Variants in GABBR2 observed in about 807,000 individuals in gnomAD.
GABBR2 encodes G-protein coupled receptor 51.
Under a neutral mutation model 105.6 loss-of-function variants are expected in GABBR2, and 23 were observed. The observed-to-expected ratio is 0.22, with a 90% CI of 0.16 to 0.31. The LOEUF (loss-of-function observed/expected upper bound fraction) is 0.31, where lower values mean the gene tolerates loss of function less well. Among genes scored for constraint, GABBR2 ranks in the 10% least tolerant of loss-of-function variants. The probability of loss-of-function intolerance (pLI) is 1.00; values close to 1 mark genes in which losing one functional copy is unlikely to be tolerated. For missense variants in GABBR2, 734 were observed against 1,245.5 expected, an observed-to-expected ratio of 0.59 and a Z score of 6.18; for synonymous variants, 478 against 499.7, an observed-to-expected ratio of 0.96 and a Z score of 0.58.
intron 1 of GABBR2, among the ~76,000 whole-genome samples, chr9:98,624,995 C>A (rs942433268): frequency 1.4e-4 from 21 of 152,166 alleles, no homozygotes; most frequent in African/African-American, 5.1e-4. Context: ...GTGTTAACTG[C>A]CAGTAAGCCC....
At chr9:98,313,931 C>T in intron 13 of GABBR2, among the ~76,000 whole-genome samples, 1 of 152,088 alleles carries the variant, frequency 6.6e-6, no homozygotes, top group Non-Finnish European at 1.5e-5. Context: ...GCAGGAGGAG[C>T]TAGGAGGGGT....
intron 2 of GABBR2, among the ~76,000 whole-genome samples, chr9:98,554,786 A>AATAGAAT (rs1385803832): frequency 5.3e-5 from 8 of 152,240 alleles, no homozygotes; most frequent in Non-Finnish European, 1.2e-4. Flanking sequence ...TATTTGACGT[A>AATAGAAT]AAGAAGATTG....
rs1830240029 is a variant in GABBR2 at position 98,288,766 on chromosome 9, C to T, written c.*1818G>A. 6.6e-6 allele frequency: 1 copy of T among 152,530 alleles called. No individual in the cohort carries two copies. The highest frequency in any genetic ancestry group is 6.5e-5 in the Admixed American group (1 of 15,278). 9.4% of individuals were successfully genotyped at this position (152,530 alleles called of 1,614,324 possible). The stretch of plus-strand genomic sequence containing the variant: ...TTTTTTTCCCTAAAAGCTACAGTAC[C>T]TCCATAACCTCTCTTTGGGGAAGGG... On this transcript the variant is annotated 3_prime_UTR_variant, in exon 19 of 19. Transcript: ENST00000259455.
intron 2 of GABBR2, among the ~76,000 whole-genome samples, chr9:98,552,667 T>C (rs1828510975): frequency 6.6e-6 from 1 of 152,186 alleles, no homozygotes; most frequent in African/African-American, 2.4e-5. Flanking sequence ...GGCATTTGAG[T>C]GAGTTCTGGA....
intron 13 of GABBR2, among the ~76,000 whole-genome samples, chr9:98,324,684 G>C (rs1247414827): frequency 2.0e-5 from 3 of 152,194 alleles, no homozygotes; most frequent in Admixed American, 1.3e-4. Flanking sequence ...GGCCACTGCT[G>C]GCGGTGTGTG....
intron 1 of GABBR2, among the ~76,000 whole-genome samples, chr9:98,605,449 C>A (rs767012124): frequency 6.6e-6 from 1 of 152,218 alleles, no homozygotes; most frequent in Non-Finnish European, 1.5e-5. Flanking sequence ...CTCTCACCTG[C>A]CTTACAGAGC....
At chr9:98,433,181 G>C (rs937114108) in intron 7 of GABBR2, among the ~76,000 whole-genome samples, 2 of 152,202 alleles carry the variant, frequency 1.3e-5, no homozygotes, top group African/African-American at 4.8e-5. Flanking sequence ...GCATTGCAGA[G>C]CTGCATATGC....
chr9:98,447,533 A>ATGTG (rs777181645), intron 7 of GABBR2, among the ~76,000 whole-genome samples: 3 of 105,072 alleles, frequency 2.9e-5, no homozygotes, highest in South Asian at 3.2e-4. Flanking sequence ...TGTAACTAGT[A>ATGTG]TGTATGTGTG....
At chr9:98,377,591 T>C (rs992102736) in intron 11 of GABBR2, among the ~76,000 whole-genome samples, 1 of 152,198 alleles carries the variant, frequency 6.6e-6, no homozygotes, top group Non-Finnish European at 1.5e-5. Context: ...GCTCTGTGCC[T>C]AGCAGGTGCC....
At chr9:98,595,397 T>A (rs1238649715) in intron 1 of GABBR2, among the ~76,000 whole-genome samples, 1 of 151,536 alleles carries the variant, frequency 6.6e-6, no homozygotes, top group Non-Finnish European at 1.5e-5. Context: ...ACTTTTAGAC[T>A]GCAGCAGATG....
intron 1 of GABBR2, among the ~76,000 whole-genome samples, chr9:98,583,400 A>G (rs1219464508): frequency 6.6e-6 from 1 of 152,196 alleles, no homozygotes; most frequent in Non-Finnish European, 1.5e-5. Flanking sequence ...AGGGCAGTGA[A>G]AGAAGCACTG....
At chr9:98,649,943 A>G (rs1830082620) in intron 1 of GABBR2, among the ~76,000 whole-genome samples, 1 of 152,226 alleles carries the variant, frequency 6.6e-6, no homozygotes, top group African/African-American at 2.4e-5. Context: ...ATGTACAGCT[A>G]TGTTAATAAA....
At chr9:98,303,090 T>C (rs1830494777) in intron 16 of GABBR2, 151 bp downstream of exon 16, 1 of 593,952 alleles carries the variant, frequency 1.7e-6, no homozygotes, top group East Asian at 2.9e-5. Flanking sequence ...GTGGTTTATG[T>C]CACCCCTGGC....
chr9:98,594,265 G>A (rs1829194813), intron 1 of GABBR2, among the ~76,000 whole-genome samples: 1 of 152,184 alleles, frequency 6.6e-6, no homozygotes, highest in South Asian at 2.1e-4. Flanking sequence ...CTAGCCCCAG[G>A]ACTCATTTCT....
chr9:98,618,842 G>A (rs1002179801), intron 1 of GABBR2, among the ~76,000 whole-genome samples: 1 of 152,140 alleles, frequency 6.6e-6, no homozygotes, highest in Non-Finnish European at 1.5e-5. Flanking sequence ...GCACCAGTGT[G>A]ACTGTCTGGG....
chr9:98,483,296 G>A (rs1388091896), intron 4 of GABBR2, among the ~76,000 whole-genome samples: 1 of 152,064 alleles, frequency 6.6e-6, no homozygotes, highest in Non-Finnish European at 1.5e-5. Context: ...CAGCCCCACT[G>A]CCCTGAGTTT....
At chr9:98,432,204 G>T (rs79276308) in intron 7 of GABBR2, among the ~76,000 whole-genome samples, 1 of 152,292 alleles carries the variant, frequency 6.6e-6, no homozygotes, top group Admixed American at 6.5e-5. Context: ...CTCAAGGAAG[G>T]TTTTTAATAA....
At chr9:98,400,199 A>T (rs1304998452) in intron 8 of GABBR2, among the ~76,000 whole-genome samples, 12 of 147,840 alleles carry the variant, frequency 8.1e-5, no homozygotes, top group South Asian at 2.1e-4. Context: ...TTTTTTTTAA[A>T]AAAAAAAGAA....
intron 2 of GABBR2, among the ~76,000 whole-genome samples, chr9:98,559,779 C>A (rs554974649): frequency 6.6e-6 from 1 of 151,918 alleles, no homozygotes; most frequent in South Asian, 2.1e-4. Context: ...AAATGTCCAT[C>A]AGTAGAGGAC....
Sources: gnomAD v4.1 joint callset for allele counts (sites outside exome capture counted in the v4.1 genomes callset) on GRCh38, gnomAD v4.1.1 for gene constraint, MANE v1.5 for transcripts, NCBI Gene and HGNC (gene_info 2026-07-23, HGNC 2026-07-21) for gene names.